HS6ST2: variants seen among roughly 807,000 people sequenced by gnomAD.
HS6ST2 encodes heparan-sulfate 6-O-sulfotransferase 2.
Under a neutral mutation model 33.0 loss-of-function variants are expected in HS6ST2, and 17 were observed. The ratio of observed to expected loss-of-function variants is 0.52; its 90% CI spans 0.35 to 0.77. The LOEUF is 0.77. Ranked by LOEUF, HS6ST2 falls within the 30% of genes least tolerant of loss-of-function variation. The pLI, the probability that HS6ST2 is intolerant of heterozygous loss-of-function variation, is 0.01. For synonymous variants in HS6ST2, 248 were observed against 237.1 expected (o/e 1.05, Z -0.42); for missense variants, 519 against 551.7 (o/e 0.94, Z 0.59).
chrX:132,927,385 T>C (rs1334307742), intron 2 of HS6ST2, among the ~76,000 whole-genome samples: 3 of 111,423 alleles, frequency 2.7e-5, no homozygotes, highest in Non-Finnish European at 5.7e-5. Context: ...TCAAATTAAA[T>C]GACTCCTCTA....
intron 2 of HS6ST2, among the ~76,000 whole-genome samples, chrX:132,752,059 C>T (rs1006857423): frequency 9.0e-6 from 1 of 111,721 alleles, no homozygotes; most frequent in Admixed American, 9.5e-5. Context: ...ATTCTGGGAC[C>T]CAAACCCAAG....
At chrX:132,957,381 G>A (rs886249338) in intron 1 of HS6ST2, 55 bp from the exon 2 acceptor site, 55 of 1,098,281 alleles carry the variant, frequency 5.0e-5, no homozygotes, top group Non-Finnish European at 7.2e-6. Flanking sequence ...CGCGCTCGTC[G>A]TGCCCCCGCA....
intron 2 of HS6ST2, among the ~76,000 whole-genome samples, chrX:132,793,048 CTTTTTTTT>C (rs755535720): frequency 1.1e-4 from 6 of 53,247 alleles, no homozygotes; most frequent in African/African-American, 5.2e-4. Flanking sequence ...AAATAAACTC[CTTTTTTTT>C]TTTTTTTTTT....
At chrX:132,642,099 A>C (rs2063605630) in intron 4 of HS6ST2, among the ~76,000 whole-genome samples, 1 of 111,470 alleles carries the variant, frequency 9.0e-6, no homozygotes, top group Non-Finnish European at 1.9e-5. Context: ...GGACCTCCAC[A>C]GAGACAAGAA....
At position 132,956,746 on chromosome X, in the gene HS6ST2, G is replaced by A. The variant is rs952800611; in HGVS notation, c.947+62C>T. 850 of 1,091,071 alleles carry A rather than the reference G, an allele frequency of 7.8e-4. 2 individuals are homozygous for A. The highest frequency in any genetic ancestry group is 8.9e-4 in the Non-Finnish European group (742 of 832,592). The allele number at this position is 1,091,071 out of a possible 1,213,427, so 89.9% of individuals were successfully genotyped here. ...GCTAGGTCCCCGGCTTGGGCCAGCC[G>A]CGCCTCCCAGCCCTCCGCCCGCCTA... On this transcript the variant is annotated intron_variant, in intron 2 of 4. Transcript: ENST00000370833.
intron 3 of HS6ST2, among the ~76,000 whole-genome samples, chrX:132,670,899 T>C (rs1453660093): frequency 8.9e-6 from 1 of 112,601 alleles, no homozygotes; most frequent in Non-Finnish European, 1.9e-5. Flanking sequence ...CTGGCTCTGC[T>C]GCTGGAGTGG....
intron 2 of HS6ST2, among the ~76,000 whole-genome samples, chrX:132,941,103 G>A (rs2066882229): frequency 8.9e-6 from 1 of 112,026 alleles, no homozygotes. Flanking sequence ...GCCCATTCCA[G>A]TCCAACCAGA....
At chrX:132,634,897 A>G (rs898240088) in intron 4 of HS6ST2, among the ~76,000 whole-genome samples, 5 of 111,314 alleles carry the variant, frequency 4.5e-5, no homozygotes, top group Non-Finnish European at 9.4e-5. Context: ...GGTGCAAGTG[A>G]GGCATGCTTA....
intron 2 of HS6ST2, chrX:132,808,911 T>C (rs2065312237): frequency 8.9e-6 from 1 of 112,123 alleles, no homozygotes; most frequent in Non-Finnish European, 1.9e-5. Context: ...CCAGATTTAA[T>C]AAAATGTGTA....
intron 2 of HS6ST2, among the ~76,000 whole-genome samples, chrX:132,825,899 G>C (rs1311200503): frequency 8.9e-6 from 1 of 111,968 alleles, no homozygotes; most frequent in Non-Finnish European, 1.9e-5. Flanking sequence ...CTGTAGATGT[G>C]TTCAAGCTGT....
At chrX:132,696,139 G>A (rs1406171959) in intron 3 of HS6ST2, among the ~76,000 whole-genome samples, 4 of 111,838 alleles carry the variant, frequency 3.6e-5, no homozygotes, top group East Asian at 2.8e-4. Flanking sequence ...TATCAAAAGC[G>A]ATGAGACGAT....
At chrX:132,810,588 C>T (rs1349702747) in intron 2 of HS6ST2, among the ~76,000 whole-genome samples, 1 of 110,964 alleles carries the variant, frequency 9.0e-6, no homozygotes, top group Non-Finnish European at 1.9e-5. Flanking sequence ...TTGCTATTGC[C>T]CTCTTTGTAC....
At chrX:132,668,329 C>T (rs1008486029) in intron 4 of HS6ST2, 3 of 110,723 alleles carry the variant, frequency 2.7e-5, no homozygotes, top group Admixed American at 9.7e-5. Context: ...ATGCCCCACA[C>T]CCTGGAGAGA....
chrX:132,808,815 A>G (rs1044844928), intron 2 of HS6ST2: 2 of 111,860 alleles, frequency 1.8e-5, no homozygotes, highest in African/African-American at 6.5e-5. Context: ...TTCCCTCTAG[A>G]GGCTCTCAGG....
intron 2 of HS6ST2, among the ~76,000 whole-genome samples, chrX:132,810,685 A>C (rs1283063751): frequency 9.0e-6 from 1 of 111,445 alleles, no homozygotes; most frequent in Non-Finnish European, 1.9e-5. Flanking sequence ...CAGAAACTTG[A>C]AGAGCTCATG....
intron 2 of HS6ST2, among the ~76,000 whole-genome samples, chrX:132,947,436 C>T (rs1306427276): frequency 1.8e-5 from 2 of 110,616 alleles, no homozygotes; most frequent in African/African-American, 6.6e-5. Context: ...TTGCTTTATA[C>T]GTTTCAAACT....
intron 3 of HS6ST2, among the ~76,000 whole-genome samples, chrX:132,677,156 G>A (rs1037155254): frequency 8.9e-6 from 1 of 112,217 alleles, no homozygotes. Flanking sequence ...CCCCAGAGTA[G>A]GCCAGAAAAT....
chrX:132,832,711 A>G (rs1288821984), intron 2 of HS6ST2, among the ~76,000 whole-genome samples: 1 of 111,685 alleles, frequency 9.0e-6, no homozygotes, highest in African/African-American at 3.3e-5. Flanking sequence ...ATCAGTCCCA[A>G]TTTGCTACTA....
chrX:132,853,606 G>A (rs1246227830), intron 2 of HS6ST2, among the ~76,000 whole-genome samples: 1 of 111,289 alleles, frequency 9.0e-6, no homozygotes, highest in African/African-American at 3.3e-5. Flanking sequence ...GAAACATCAA[G>A]TCTTCTCATG....
Sources: allele counts gnomAD v4.1 joint callset (sites outside exome capture counted in the v4.1 genomes callset), GRCh38; gene constraint gnomAD v4.1.1; transcripts MANE v1.5; gene names NCBI Gene and HGNC (gene_info 2026-07-23, HGNC 2026-07-21).